The following NALCN variants were observed in gnomAD, a reference collection of about 807,000 sequenced individuals.
NALCN encodes sodium leak channel, non-selective.
A neutral mutation model predicts 225.3 loss-of-function variants in NALCN; 111 were observed. That is an observed-to-expected ratio of 0.49 (90% CI 0.42 to 0.58). The LOEUF is 0.58. NALCN is among the 20% of genes least tolerant of loss of function. The pLI, the probability that NALCN is intolerant of heterozygous loss-of-function variation, is 0.00. For missense variants in NALCN, 1,378 were observed against 2,202.4 expected, an observed-to-expected ratio of 0.63 and a Z score of 7.49; for synonymous variants, 764 against 769.0, an observed-to-expected ratio of 0.99 and a Z score of 0.11.
intron 15 of NALCN, among the ~76,000 whole-genome samples, chr13:101,166,567 T>A (rs186324582): frequency 1.1e-4 from 16 of 152,326 alleles, no homozygotes; most frequent in Admixed American, 1.0e-3. Context: ...ATTTTGCCTA[T>A]TTTTAAAACA....
At chr13:101,407,435 A>T (rs2047655625) in intron 1 of NALCN, among the ~76,000 whole-genome samples, 1 of 152,194 alleles carries the variant, frequency 6.6e-6, no homozygotes, top group Non-Finnish European at 1.5e-5. Flanking sequence ...CACTGCTCAG[A>T]TTTTTATGCA....
At chr13:101,322,071 A>C (rs932914312) in intron 7 of NALCN, among the ~76,000 whole-genome samples, 3 of 152,180 alleles carry the variant, frequency 2.0e-5, no homozygotes, top group African/African-American at 7.2e-5. Flanking sequence ...CATTGGGAAA[A>C]CTAGAGGCTT....
chr13:101,208,180 C>A (rs74881315), intron 13 of NALCN, among the ~76,000 whole-genome samples: 2,216 of 152,280 alleles, frequency 0.015, 45 homozygotes, highest in African/African-American at 0.05. Context: ...GCCAGCAAGA[C>A]CACGAACCCA....
rs184257190 is a variant in NALCN at position 101,364,583 on chromosome 13, G to T, written c.644+12117C>A. Among the ~76,000 whole-genome samples, 612 of 152,236 alleles carry T rather than the reference G, an allele frequency of 4.0e-3. 4 individuals carry two copies. The highest frequency in any genetic ancestry group is 0.014 in the African/African-American group (568 of 41,548). ...TGGTTGTTACCAGAGAAGGGGAAGGGTAAAGCCCAGGGTTGGATGAAGAAA... is the reference window on the plus strand; with the variant it reads ...TGGTTGTTACCAGAGAAGGGGAAGGTTAAAGCCCAGGGTTGGATGAAGAAA... On this transcript the variant is annotated intron_variant, in intron 6 of 43. Transcript: ENST00000251127.
At chr13:101,155,482 T>G (rs1368835040) in intron 15 of NALCN, among the ~76,000 whole-genome samples, 2 of 152,204 alleles carry the variant, frequency 1.3e-5, no homozygotes, top group Non-Finnish European at 2.9e-5. Context: ...TCTTTTCTCA[T>G]GATTAGACTG....
At chr13:101,252,751 G>C (rs531756605) in intron 11 of NALCN, among the ~76,000 whole-genome samples, 100 of 152,252 alleles carry the variant, frequency 6.6e-4, no homozygotes, top group African/African-American at 2.3e-3. Context: ...CATTCAGATA[G>C]GTCTAGAGGA....
At chr13:101,181,900 A>G (rs1432925069) in intron 14 of NALCN, among the ~76,000 whole-genome samples, 1 of 152,150 alleles carries the variant, frequency 6.6e-6, no homozygotes, top group Admixed American at 6.5e-5. Flanking sequence ...TTGGGAGGCC[A>G]AGGCCGGCAG....
In NALCN at chr13:101,337,738, C is replaced by T. The variant is rs571465923; in HGVS notation, c.799+7528G>A. ...TGTTTCTTCCATCATCATAATGAGA[C>T]TTTATAATGGACCAGGTGTCCTGAC... is the stretch of plus-strand genomic sequence containing the variant. On this transcript the variant is annotated intron_variant, in intron 7 of 43. Transcript: ENST00000251127. Among the ~76,000 whole-genome samples, 6 of 152,270 alleles carry T rather than the reference C, an allele frequency of 3.9e-5. 1 individual carries two copies. Among genetic ancestry groups the T allele is most frequent in the Admixed American group, 1.3e-4 (2 of 15,296 alleles).
chr13:101,189,316 G>T (rs904048604), intron 14 of NALCN, among the ~76,000 whole-genome samples: 1 of 152,132 alleles, frequency 6.6e-6, no homozygotes, highest in Non-Finnish European at 1.5e-5. Flanking sequence ...GGGCATAAAT[G>T]ATACCCTAAT....
chr13:101,144,412 T>TC (rs891431381), intron 16 of NALCN, among the ~76,000 whole-genome samples: 3 of 152,118 alleles, frequency 2.0e-5, no homozygotes, highest in Admixed American at 2.0e-4. Flanking sequence ...ACGGTTGGGG[T>TC]CTGAGATTGA....
intron 13 of NALCN, among the ~76,000 whole-genome samples, chr13:101,221,465 A>C (rs2040937129): frequency 6.6e-6 from 1 of 152,046 alleles, no homozygotes; most frequent in Non-Finnish European, 1.5e-5. Flanking sequence ...CAAAACCTTT[A>C]TGCTTTCACT....
chr13:101,233,742 T>G (rs912327289), intron 12 of NALCN, among the ~76,000 whole-genome samples: 2 of 152,162 alleles, frequency 1.3e-5, no homozygotes, highest in African/African-American at 2.4e-5. Context: ...ATCTTAGGGC[T>G]TGTTATGAGA....
chr13:101,102,286 A>G (rs2034862148), intron 26 of NALCN, among the ~76,000 whole-genome samples: 1 of 152,038 alleles, frequency 6.6e-6, no homozygotes, highest in African/African-American at 2.4e-5. Context: ...CTGTCTCAAA[A>G]AAAAAGAAAA....
In NALCN at chr13:101,117,832, G is replaced by A. The variant is rs9300649; in HGVS notation, c.2193-6606C>T. 6.1e-3 allele frequency among the ~76,000 whole-genome samples: 923 copies of A among 152,210 alleles called. 5 individuals are homozygous for A. Among genetic ancestry groups the A allele is most frequent in the African/African-American group, 0.021 (878 of 41,530 alleles). On this transcript the variant is annotated intron_variant, in intron 18 of 43. Transcript: ENST00000251127. ...GAATAAAGCTGCCATCAACATCAAT[G>A]CATGTCTATGGAGACACATATCTAT...
At chr13:101,405,965 C>A (rs2047608538) in intron 1 of NALCN, among the ~76,000 whole-genome samples, 1 of 151,926 alleles carries the variant, frequency 6.6e-6, no homozygotes, top group African/African-American at 2.4e-5. Context: ...AAAACAGAGT[C>A]CTTCTAACAA....
At chr13:101,060,041 T>C (rs2031723755) in intron 41 of NALCN, 74 bp from the exon 42 acceptor site, 1 of 1,550,014 alleles carries the variant, frequency 6.5e-7, no homozygotes. Context: ...ACAAATCTTA[T>C]TTTCTTCTCC....
intron 34 of NALCN, among the ~76,000 whole-genome samples, chr13:101,078,249 C>T (rs886221275): frequency 4.1e-5 from 6 of 145,268 alleles, no homozygotes; most frequent in African/African-American, 1.5e-4. Context: ...ACACAGAGTC[C>T]CCACTGGAGC....
At chr13:101,115,864 T>C (rs1594237887) in intron 18 of NALCN, among the ~76,000 whole-genome samples, 1 of 152,152 alleles carries the variant, frequency 6.6e-6, no homozygotes, top group East Asian at 1.9e-4. Context: ...AGAAGGCCAG[T>C]TTCTTAGGAA....
At chr13:101,177,343 C>A (rs2038997720) in intron 14 of NALCN, among the ~76,000 whole-genome samples, 1 of 148,744 alleles carries the variant, frequency 6.7e-6, no homozygotes, top group African/African-American at 2.5e-5. Flanking sequence ...TATTACACAG[C>A]AACAGATACC....
Sources: allele counts gnomAD v4.1 joint callset (sites outside exome capture counted in the v4.1 genomes callset), GRCh38; gene constraint gnomAD v4.1.1; transcripts MANE v1.5; gene names NCBI Gene and HGNC (gene_info 2026-07-23, HGNC 2026-07-21).